DNAH1: variants seen among roughly 807,000 people sequenced by gnomAD.
The protein encoded by DNAH1 is axonemal beta dynein heavy chain 1.
In DNAH1, 327 loss-of-function variants were observed where a neutral mutation model predicts 484.3. The observed-to-expected ratio is 0.68, with a 90% CI of 0.62 to 0.74. The LOEUF is 0.74. Among genes scored for constraint, DNAH1 ranks in the 30% least tolerant of loss-of-function variants. The pLI is 0.00. For synonymous variants in DNAH1, 2,192 were observed against 2,191.9 expected, an observed-to-expected ratio of 1.00 and a Z score of 0.00; for missense variants, 5,052 against 5,546.8, an observed-to-expected ratio of 0.91 and a Z score of 2.83.
intron 20 of DNAH1, among the ~76,000 whole-genome samples, chr3:52,354,246 C>T (rs1702514710): frequency 6.6e-6 from 1 of 152,210 alleles, no homozygotes; most frequent in South Asian, 2.1e-4. Context: ...GCCAGGATGA[C>T]ACAGTAAATG....
chr3:52,369,009 C>A, intron 37 of DNAH1, 91 bp downstream of exon 37: 1 of 1,452,500 alleles, frequency 6.9e-7, no homozygotes, highest in South Asian at 1.3e-5. Context: ...CCCCTCACCC[C>A]TTTCTCTCAG....
intron 27 of DNAH1, 49 bp downstream of exon 27, chr3:52,360,128 G>C: frequency 6.2e-7 from 1 of 1,611,166 alleles, no homozygotes; most frequent in South Asian, 1.1e-5. Context: ...GCCAGGAAGG[G>C]GCAGGGGAAA....
rs528263185 is a variant in DNAH1 at position 52,383,867 on chromosome 3, G to A, written c.8158G>A (p.Gly2720Arg). 51 of 1,595,426 alleles carry A rather than the reference G, an allele frequency of 3.2e-5. No individual in the cohort carries two copies. The East Asian group carries it at 6.3e-4, about 20-fold the overall frequency. ...IHMVLCMSPI[G>R]EVFRARLRQF... ...GGATTCCTGACTTTCCAGCCCCATC[G>A]GAGAGGTCTTCCGAGCTCGTCTGAG... Residue 2720 changes from glycine to arginine, a missense_variant, in exon 52 of 78, where the codon GGA (glycine) becomes AGA (arginine). Gly to Arg is a moderately radical substitution (Grantham distance 125). Transcript: ENST00000420323.
rs776417515 is a variant in DNAH1 at position 52,396,715 on chromosome 3, A to G, written c.11528A>G (p.Tyr3843Cys). 18 of 1,613,502 alleles carry G rather than the reference A, an allele frequency of 1.1e-5. No homozygotes were observed. The highest frequency in any genetic ancestry group is 1.1e-4 in the East Asian group (5 of 44,866). Residue 3843 changes from tyrosine to cysteine, a missense_variant, in exon 72 of 78, where the codon TAT becomes TGT. Tyr to Cys is a radical substitution (Grantham distance 194, BLOSUM62 -2). Coordinates refer to ENST00000420323, the MANE Select transcript of DNAH1 (RefSeq NM_015512.5). ...KFGPLGFNIPYEFTDGDLRIC... is the reference protein window; with the variant it reads ...KFGPLGFNIPCEFTDGDLRIC... Reference sequence around the variant, plus strand: ...GGGCCCCTGGGCTTCAACATCCCCTATGAGTTCACGGATGGAGATCTGCGC... The same window carrying G: ...GGGCCCCTGGGCTTCAACATCCCCTGTGAGTTCACGGATGGAGATCTGCGC...
intron 44 of DNAH1, chr3:52,373,504 A>C (rs1703448619): frequency 6.8e-7 from 1 of 1,460,210 alleles, no homozygotes; most frequent in African/African-American, 1.4e-5. Flanking sequence ...TCCGTCAGGA[A>C]AAACAGCCTT....
At chr3:52,341,425 T>C (rs1408182167) in intron 8 of DNAH1, among the ~76,000 whole-genome samples, 1 of 151,868 alleles carries the variant, frequency 6.6e-6, no homozygotes, top group Non-Finnish European at 1.5e-5. Flanking sequence ...TAAAATATGG[T>C]TTTAGAAGTC....
intron 10 of DNAH1, 70 bp downstream of exon 10, chr3:52,345,776 G>A (rs1286999987): frequency 1.3e-6 from 2 of 1,497,824 alleles, no homozygotes; most frequent in Non-Finnish European, 1.8e-6. Flanking sequence ...CACAGGTCGG[G>A]GCTGCAGCGG....
At chr3:52,373,846 T>A (rs889027653) in intron 44 of DNAH1, 21 of 1,411,420 alleles carry the variant, frequency 1.5e-5, no homozygotes, top group Non-Finnish European at 2.1e-5. Context: ...CCAGAAGTAG[T>A]CCATATGTTT....
intron 50 of DNAH1, among the ~76,000 whole-genome samples, chr3:52,383,135 G>C (rs1703930486): frequency 6.6e-6 from 1 of 152,234 alleles, no homozygotes; most frequent in African/African-American, 2.4e-5. Context: ...CGAAGAGGAA[G>C]ATGCCACAAC....
Position 52,322,789 on chromosome 3 carries a change from C to T in DNAH1, c.333+14C>T. On this transcript the variant is annotated intron_variant, in intron 2 of 77. Transcript: ENST00000420323. ...GATCAACTTGGGGTGAGTATGGCAGCCATCCCCTACCAAGCCTCAACCCTT... is the reference window on the plus strand; with the variant it reads ...GATCAACTTGGGGTGAGTATGGCAGTCATCCCCTACCAAGCCTCAACCCTT... The T allele has an allele frequency of 6.3e-7, 1 of 1,575,894 alleles. No homozygotes were observed. Among genetic ancestry groups the T allele is most frequent in the Non-Finnish European group, 8.6e-7 (1 of 1,160,250 alleles).
rs1703498057 is a variant in DNAH1 at position 52,374,507 on chromosome 3, A to G, written c.6986-733A>G. 2.7e-6 allele frequency: 4 copies of G among 1,468,670 alleles called. No homozygotes were observed. The South Asian group carries it at 3.4e-5, about 13-fold the overall frequency. 91.0% of individuals were successfully genotyped at this position (1,468,670 alleles called of 1,614,324 possible). On this transcript the variant is annotated intron_variant, in intron 44 of 77. Transcript: ENST00000420323. ...TAGAAGCGATTTTAGATGTCATTGAACCATCAGAATTTGTGAAGACCATGG... is the reference window on the plus strand; with the variant it reads ...TAGAAGCGATTTTAGATGTCATTGAGCCATCAGAATTTGTGAAGACCATGG...
At chr3:52,348,363 G>A (rs1702230511) in intron 12 of DNAH1, among the ~76,000 whole-genome samples, 2 of 152,122 alleles carry the variant, frequency 1.3e-5, no homozygotes, top group Admixed American at 6.6e-5. Flanking sequence ...TAGACCCCAC[G>A]CTCTTGATCC....
At chr3:52,357,041 T>G (rs1471284612) in intron 22 of DNAH1, among the ~76,000 whole-genome samples, 120 of 145,826 alleles carry the variant, frequency 8.2e-4, no homozygotes, top group African/African-American at 2.8e-3. Context: ...TTTTTTTTTG[T>G]TTTTTTTTTT....
At chr3:52,318,932 G>T (rs1028659838) in intron 1 of DNAH1, among the ~76,000 whole-genome samples, 7 of 152,214 alleles carry the variant, frequency 4.6e-5, no homozygotes, top group Non-Finnish European at 7.3e-5. Flanking sequence ...TTGTTGAATC[G>T]GGTGAGTGGC....
In DNAH1 at chr3:52,400,479, G is replaced by A. The variant is rs753176557; in HGVS notation, c.*33G>A. On this transcript the variant is annotated 3_prime_UTR_variant, in exon 78 of 78. Coordinates refer to ENST00000420323, the MANE Select transcript of DNAH1 (RefSeq NM_015512.5). ...CAGAAGGGCTGGGGCCATTAAAGCT[G>A]AATTTTCTAAGCAGTCCAGCTGTGC... is the stretch of plus-strand genomic sequence containing the variant. 1 of 1,613,706 alleles carries A rather than the reference G, an allele frequency of 6.2e-7. No individual in the cohort carries two copies. The highest frequency in any genetic ancestry group is 1.7e-5 in the Admixed American group (1 of 60,008).
In DNAH1 at chr3:52,372,361, C is replaced by A; in HGVS notation, c.6801C>A (p.Asp2267Glu). 6.2e-7 allele frequency: 1 copy of A among 1,613,982 alleles called. No homozygotes were observed. Among genetic ancestry groups the A allele is most frequent in the Non-Finnish European group, 8.5e-7 (1 of 1,179,880 alleles). ...SARTSANQTQ[D>E]FIDSKLDKRR... The stretch of plus-strand genomic sequence containing the variant: ...GCACTTCAGCCAACCAGACCCAGGA[C>A]TTCATTGACAGCAAGCTGGACAAGA... Residue 2267 changes from aspartate (D) to glutamate (E), a missense_variant, in exon 43 of 78, where the codon GAC becomes GAA. By Grantham distance (45) the Asp-to-Glu change is conservative. Coordinates refer to ENST00000420323, the MANE Select transcript of DNAH1 (RefSeq NM_015512.5).
intron 1 of DNAH1, among the ~76,000 whole-genome samples, chr3:52,317,676 G>C (rs912997387): frequency 6.6e-6 from 1 of 152,340 alleles, no homozygotes; most frequent in Non-Finnish European, 1.5e-5. Context: ...CTCCCTGGTC[G>C]GCCCTAATCC....
At chr3:52,367,741 T>A (rs1703147417) in intron 36 of DNAH1, among the ~76,000 whole-genome samples, 1 of 152,074 alleles carries the variant, frequency 6.6e-6, no homozygotes, top group Admixed American at 6.5e-5. Flanking sequence ...GCCCGGCTAA[T>A]TTTGTATTTT....
chr3:52,397,782 A>C lies in DNAH1; in HGVS notation c.11863A>C (p.Ile3955Leu). ...CTTTGGCCTGCATGACAATGCCAACATCACCTTTGCCCAGAACGAGACGTT... is the reference window on the plus strand; with the variant it reads ...CTTTGGCCTGCATGACAATGCCAACCTCACCTTTGCCCAGAACGAGACGTT... ...EIFGLHDNAN[I>L]TFAQNETFAL... The change falls in exon 74 of 78, where the codon ATC (isoleucine) becomes CTC (leucine). Residue 3955 changes from isoleucine to leucine, a missense_variant. Around this residue, in one of 4 missense-constraint regions of DNAH1, gnomAD observed 853 missense variants for 899.0 expected, o/e 0.95. Transcript: ENST00000420323. 1 of 1,613,840 alleles carries C rather than the reference A, an allele frequency of 6.2e-7. No individual in the cohort carries two copies. The highest frequency in any genetic ancestry group is 8.5e-7 in the Non-Finnish European group (1 of 1,179,790).
Sources: gnomAD v4.1 joint callset for allele counts (sites outside exome capture counted in the v4.1 genomes callset) on GRCh38, gnomAD v4.1.1 for gene constraint, gnomAD v4.1.1 regional missense constraint, MANE v1.5 for transcripts, NCBI Gene and HGNC (gene_info 2026-07-23, HGNC 2026-07-21) for gene names.